The following PAX5 variants were observed in gnomAD, a reference collection of about 807,000 sequenced individuals.
PAX5 encodes paired box protein Pax-5.
In PAX5, 9 loss-of-function variants were observed where a neutral mutation model predicts 43.7. The observed-to-expected ratio is 0.21, with a 90% CI of 0.12 to 0.36. The LOEUF (loss-of-function observed/expected upper bound fraction) is 0.36. PAX5 is among the 10% of genes least tolerant of loss of function. The probability of loss-of-function intolerance (pLI) is 1.00; values close to 1 mark genes in which losing one functional copy is unlikely to be tolerated. For missense variants in PAX5, 383 were observed against 532.7 expected (o/e 0.72, Z 2.77); for synonymous variants, 228 against 214.3 (o/e 1.06, Z -0.56).
intron 6 of PAX5, among the ~76,000 whole-genome samples, chr9:36,942,069 CCA>C (rs1195460693): frequency 1.3e-5 from 2 of 152,194 alleles, no homozygotes; most frequent in African/African-American, 4.8e-5. Context: ...GGCAGTGTGC[CCA>C]GGCAGCTGAT....
rs1821959457 is a variant in PAX5 at position 36,840,609 on chromosome 9, G to T, written c.1127C>A (p.Ala376Asp). 1.9e-6 allele frequency: 3 copies of T among 1,579,432 alleles called. No homozygotes were observed. Among genetic ancestry groups the T allele is most frequent in the Non-Finnish European group, 2.6e-6 (3 of 1,163,546 alleles). Reference protein sequence around the residue: ...LGSPYYYSAAARGAAPPAAAT... With the variant: ...LGSPYYYSAADRGAAPPAAAT... ...GGCTGCAGGTGGGGCGGCTCCTCGG[G>T]CGGCAGCGCTATAATAGTAGGGGGA... The change falls in exon 10 of 10, where the codon GCC (alanine) becomes GAC (aspartate). Residue 376 changes from alanine to aspartate, a missense_variant. By Grantham distance (126) the Ala-to-Asp change is moderately radical. Coordinates refer to ENST00000358127, the MANE Select transcript of PAX5 (RefSeq NM_016734.3).
intron 1 of PAX5, among the ~76,000 whole-genome samples, chr9:37,031,891 G>C (rs1564099293): frequency 6.6e-6 from 1 of 152,168 alleles, no homozygotes; most frequent in East Asian, 1.9e-4. Flanking sequence ...AAGTCTATTG[G>C]CCCATGAAAT....
intron 5 of PAX5, among the ~76,000 whole-genome samples, chr9:36,994,155 C>T (rs1386631435): frequency 1.3e-5 from 2 of 152,198 alleles, no homozygotes; most frequent in African/African-American, 4.8e-5. Flanking sequence ...GCCACCTGGC[C>T]TCAGATGCCC....
At chr9:36,953,630 A>T (rs1391465483) in intron 6 of PAX5, among the ~76,000 whole-genome samples, 2 of 152,184 alleles carry the variant, frequency 1.3e-5, no homozygotes, top group African/African-American at 4.8e-5. Context: ...CCCAGCAAAG[A>T]AAGTCTTTAT....
chr9:36,966,510 G>C (rs2132193079), intron 6 of PAX5, 39 bp downstream of exon 6: 3 of 1,591,012 alleles, frequency 1.9e-6, no homozygotes, highest in Non-Finnish European at 2.6e-6. Context: ...GGCCGGTGTG[G>C]CGGTGGCAGG....
At chr9:36,848,754 GC>G (rs938161219) in intron 8 of PAX5, among the ~76,000 whole-genome samples, 1 of 152,144 alleles carries the variant, frequency 6.6e-6, no homozygotes, top group African/African-American at 2.4e-5. Flanking sequence ...CGCCTCTGCT[GC>G]CTGGCCCAGC....
intron 6 of PAX5, among the ~76,000 whole-genome samples, chr9:36,944,087 C>A (rs888693950): frequency 6.6e-6 from 1 of 152,090 alleles, no homozygotes; most frequent in Non-Finnish European, 1.5e-5. Context: ...AGAAGGCTGA[C>A]GCAGGAAGAT....
intron 6 of PAX5, among the ~76,000 whole-genome samples, chr9:36,947,399 A>AT (rs1354289808): frequency 6.6e-6 from 1 of 152,028 alleles, no homozygotes; most frequent in African/African-American, 2.4e-5. Flanking sequence ...TTGTTTATTT[A>AT]TTTTTTATTT....
At chr9:36,852,589 G>C (rs1184088858) in intron 8 of PAX5, among the ~76,000 whole-genome samples, 1 of 152,242 alleles carries the variant, frequency 6.6e-6, no homozygotes, top group Non-Finnish European at 1.5e-5. Flanking sequence ...CTGGTGAGGA[G>C]GACGCGGAGC....
Position 37,015,768 on chromosome 9 carries a change from G to A in PAX5, c.213-574C>T, listed in dbSNP as rs961527387. On this transcript the variant is annotated intron_variant, in intron 2 of 9. Coordinates refer to ENST00000358127, the MANE Select transcript of PAX5 (RefSeq NM_016734.3). This position sits in a 1 kb window ranked among gnomAD's most constrained non-coding sequence, Gnocchi z 4.4. ...CTAATTTTGTATTTTTAGTAGAGACGGGGGTTTCACCATGTTAGTCAGGCT... is the reference window on the plus strand; with the variant it reads ...CTAATTTTGTATTTTTAGTAGAGACAGGGGTTTCACCATGTTAGTCAGGCT... Among the ~76,000 whole-genome samples the A allele has an allele frequency of 2.6e-5, 4 of 151,928 alleles. No individual in the cohort carries two copies. Among genetic ancestry groups the A allele is most frequent in the Non-Finnish European group, 4.4e-5 (3 of 67,992 alleles).
intron 1 of PAX5, among the ~76,000 whole-genome samples, chr9:37,022,259 T>C (rs1839916094): frequency 6.6e-6 from 1 of 152,244 alleles, no homozygotes; most frequent in Non-Finnish European, 1.5e-5. Context: ...TATTCAGTTT[T>C]GATTGTTCTA....
At chr9:36,840,760 T>G in intron 9 of PAX5, 124 bp from the exon 10 acceptor site, 4 of 621,462 alleles carry the variant, frequency 6.4e-6, no homozygotes, top group African/African-American at 1.8e-5. Context: ...CCAAGATCTC[T>G]GTCCCAGTCT....
intron 2 of PAX5, among the ~76,000 whole-genome samples, chr9:37,018,436 G>A (rs1213258627): frequency 2.6e-5 from 4 of 152,068 alleles, no homozygotes; most frequent in African/African-American, 9.6e-5. Context: ...CCACCTTCCT[G>A]AGATGACAGG....
At chr9:36,962,969 C>G (rs1260583177) in intron 6 of PAX5, among the ~76,000 whole-genome samples, 6 of 152,352 alleles carry the variant, frequency 3.9e-5, no homozygotes, top group Middle Eastern at 3.4e-3. Context: ...ATGAGGGGCT[C>G]AAGGAACCTG....
chr9:37,014,874 A>G, intron 3 of PAX5, 123 bp downstream of exon 3: 1 of 873,204 alleles, frequency 1.1e-6, no homozygotes, highest in Admixed American at 2.2e-5. Flanking sequence ...CCTCCTGTTC[A>G]GTAACCCCTA....
At chr9:37,010,534 G>C (rs1264501827) in intron 3 of PAX5, among the ~76,000 whole-genome samples, 1 of 152,150 alleles carries the variant, frequency 6.6e-6, no homozygotes, top group Non-Finnish European at 1.5e-5. Context: ...TTAAAACTCT[G>C]AGGGACTTTG....
intron 3 of PAX5, among the ~76,000 whole-genome samples, chr9:37,011,032 GAT>G (rs1258589470): frequency 6.6e-6 from 1 of 151,046 alleles, no homozygotes; most frequent in Non-Finnish European, 1.5e-5. Flanking sequence ...GAGGTGGGAA[GAT>G]CACCCGAGCC....
intron 5 of PAX5, among the ~76,000 whole-genome samples, chr9:36,970,646 G>T (rs1053401996): frequency 6.6e-6 from 1 of 152,178 alleles, no homozygotes; most frequent in Admixed American, 6.5e-5. Context: ...GTGTTTGAAG[G>T]TGGATCTGCT....
At chr9:36,863,217 T>G (rs1341494282) in intron 8 of PAX5, among the ~76,000 whole-genome samples, 1 of 152,246 alleles carries the variant, frequency 6.6e-6, no homozygotes, top group Admixed American at 6.5e-5. Context: ...CCAATGGATC[T>G]TCAAAGACAG....
Sources: allele counts gnomAD v4.1 joint callset (sites outside exome capture counted in the v4.1 genomes callset), GRCh38; gene constraint gnomAD v4.1.1; non-coding constraint Gnocchi (gnomAD v3.1); transcripts MANE v1.5; gene names NCBI Gene and HGNC (gene_info 2026-07-23, HGNC 2026-07-21).